Variants in AJAP1 observed in about 807,000 individuals in gnomAD.
The protein encoded by AJAP1 is adherens junctions associated protein 1, also known as adherens junction-associated protein 1.
A neutral mutation model predicts 35.0 loss-of-function variants in AJAP1; 5 were observed. The ratio of observed to expected loss-of-function variants is 0.14; its 90% CI spans 0.07 to 0.30. The LOEUF is 0.30. AJAP1 is among the 10% of genes least tolerant of loss of function. The pLI is 1.00. For missense variants in AJAP1, 586 were observed against 571.0 expected, an observed-to-expected ratio of 1.03 and a Z score of -0.27; for synonymous variants, 284 against 249.3, an observed-to-expected ratio of 1.14 and a Z score of -1.31.
intron 2 of AJAP1, among the ~76,000 whole-genome samples, chr1:4,726,216 G>A (rs770061518): frequency 1.3e-5 from 2 of 152,170 alleles, no homozygotes; most frequent in Non-Finnish European, 2.9e-5. Flanking sequence ...CCTAGAGAGA[G>A]CTGGGCACAG....
At chr1:4,679,851 G>A (rs201121928) in intron 1 of AJAP1, among the ~76,000 whole-genome samples, 136 of 137,796 alleles carry the variant, frequency 9.9e-4, no homozygotes, top group South Asian at 4.4e-3. Flanking sequence ...GTGTGTGTGT[G>A]TAGAGAGAGA....
At position 4,792,295 on chromosome 1, in the gene AJAP1, A is replaced by T. The variant is rs1397101023; in HGVS notation, c.*9810A>T. 7.2e-6 allele frequency: 1 copy of T among 139,104 alleles called. No homozygotes were observed. The allele number at this position is 139,104 out of a possible 1,614,324, so 8.6% of individuals were successfully genotyped here. On this transcript the variant is annotated 3_prime_UTR_variant, in exon 6 of 6. Coordinates refer to ENST00000378191, the MANE Select transcript of AJAP1 (RefSeq NM_018836.4). ...TTCTTTTCTTTAAATGCATATCATA[A>T]TCATGTTAATAAACAAAAATGACAC...
chr1:4,790,158 A>G lies in AJAP1; in HGVS notation c.*7673A>G, dbSNP rs1045551996. 2 of 152,240 alleles carry G rather than the reference A, an allele frequency of 1.3e-5. No homozygotes were observed. The highest frequency in any genetic ancestry group is 2.4e-5 in the African/African-American group (1 of 41,458). The allele number at this position is 152,240 out of a possible 1,614,324, so 9.4% of individuals were successfully genotyped here. On this transcript the variant is annotated 3_prime_UTR_variant, in exon 6 of 6. Transcript: ENST00000378191. Reference sequence around the variant, plus strand: ...CATGTATGGGCATAGGAGCAAGCTGATGGCATGGCTCTTGACAAGGTTTTC... The same window carrying G: ...CATGTATGGGCATAGGAGCAAGCTGGTGGCATGGCTCTTGACAAGGTTTTC...
chr1:4,774,349 C>A, intron 4 of AJAP1, 78 bp from the exon 5 acceptor site: 1 of 1,375,966 alleles, frequency 7.3e-7, no homozygotes, highest in Non-Finnish European at 1.0e-6. Context: ...GTCCCCACCA[C>A]AGGCCTGCCC....
rs1320908485 is a variant in AJAP1, at chr1:4,693,302, G to A, written c.30-18598G>A. ...CGTGGTCAGGGGACGTCAGGGGCAT[G>A]TGCTGATGGAGAGGGACTCTCGGCT... is the stretch of plus-strand genomic sequence containing the variant. On this transcript the variant is annotated intron_variant, in intron 1 of 5. Transcript: ENST00000378191. The surrounding 1 kb of genome is among the most constrained non-coding windows in gnomAD (Gnocchi z 4.4). Among the ~76,000 whole-genome samples the A allele has an allele frequency of 6.6e-6, 1 of 151,888 alleles. No individual in the cohort carries two copies. Among genetic ancestry groups the A allele is most frequent in the South Asian group, 2.1e-4 (1 of 4,824 alleles).
intron 1 of AJAP1, among the ~76,000 whole-genome samples, chr1:4,667,660 C>T (rs950095314): frequency 1.3e-5 from 2 of 152,190 alleles, no homozygotes; most frequent in Admixed American, 6.5e-5. Context: ...ACCCACTGCT[C>T]ACCTCCTGCT....
At chr1:4,661,837 A>G (rs143921604) in intron 1 of AJAP1, among the ~76,000 whole-genome samples, 2 of 152,348 alleles carry the variant, frequency 1.3e-5, no homozygotes, top group African/African-American at 4.8e-5. Flanking sequence ...AGAATTAATG[A>G]AACGTCATGG....
At position 4,655,304 on chromosome 1, in the gene AJAP1, G is replaced by T; in HGVS notation, c.-122G>T. 1 of 752,364 alleles carries T rather than the reference G, an allele frequency of 1.3e-6. No individual in the cohort carries two copies. Among genetic ancestry groups the T allele is most frequent in the Non-Finnish European group, 1.7e-6 (1 of 583,684 alleles). 46.6% of individuals were successfully genotyped at this position (752,364 alleles called of 1,614,324 possible). ...GCTGTGCGCCCCGCGGCCGGCGGGC[G>T]GCGGGAGGCGGCGGACCGAGAGCCG... On this transcript the variant is annotated 5_prime_UTR_variant, in exon 1 of 6. Coordinates refer to ENST00000378191, the MANE Select transcript of AJAP1 (RefSeq NM_018836.4). This position sits in a 1 kb window ranked among gnomAD's most constrained non-coding sequence, Gnocchi z 6.9.
intron 1 of AJAP1, among the ~76,000 whole-genome samples, chr1:4,702,549 A>C (rs1640011887): frequency 6.6e-6 from 1 of 152,214 alleles, no homozygotes; most frequent in Non-Finnish European, 1.5e-5. Flanking sequence ...GGTCCCAGGC[A>C]TTATCAGCTT....
At chr1:4,662,211 C>T (rs1360026234) in intron 1 of AJAP1, among the ~76,000 whole-genome samples, 5 of 152,152 alleles carry the variant, frequency 3.3e-5, no homozygotes, top group African/African-American at 1.2e-4. Flanking sequence ...GTTGCTTCAC[C>T]CCTGATAAGA....
At chr1:4,764,963 A>C (rs1641648093) in intron 2 of AJAP1, among the ~76,000 whole-genome samples, 1 of 152,320 alleles carries the variant, frequency 6.6e-6, no homozygotes, top group East Asian at 1.9e-4. Flanking sequence ...AACCACCACA[A>C]ATATAACCAT....
intron 1 of AJAP1, among the ~76,000 whole-genome samples, chr1:4,667,658 C>G (rs1351865912): frequency 6.6e-6 from 1 of 152,204 alleles, no homozygotes; most frequent in Non-Finnish European, 1.5e-5. Context: ...TCACCCACTG[C>G]TCACCTCCTG....
At chr1:4,744,600 C>CATGCACACATGCCCACATGCAT (rs1334748498) in intron 2 of AJAP1, among the ~76,000 whole-genome samples, 241 of 148,888 alleles carry the variant, frequency 1.6e-3, no homozygotes, top group Non-Finnish European at 2.2e-3. Flanking sequence ...CACACATGCA[C>CATGCACACATGCCCACATGCAT]ATGCACACAT....
chr1:4,740,857 T>C (rs537973027), intron 2 of AJAP1, among the ~76,000 whole-genome samples: 1 of 151,636 alleles, frequency 6.6e-6, no homozygotes, highest in African/African-American at 2.4e-5. Flanking sequence ...TTATCACAAT[T>C]TAAAAATTTT....
rs190578577 is a variant in AJAP1, at chr1:4,772,385, C to T, written c.1023C>T (p.Pro341=). The change falls in exon 4 of 6, where the codon CCC becomes CCT. Residue 341 remains proline (P), a synonymous_variant. Coordinates refer to ENST00000378191, the MANE Select transcript of AJAP1 (RefSeq NM_018836.4). ...NLTDFPSARV[P]SSLDIFTAYN... is the part of the protein sequence containing the mutation. ...CGGACTTCCCCTCGGCCCGGGTGCC[C>T]AGCAGCCTGGACATATTCACGGCCT... 189 of 1,614,240 alleles carry T rather than the reference C, an allele frequency of 1.2e-4. No homozygotes were observed. The highest frequency in any genetic ancestry group is 1.6e-4 in the Non-Finnish European group (184 of 1,180,050).
At chr1:4,769,831 T>C in intron 2 of AJAP1, 22 bp from the exon 3 acceptor site, 2 of 1,607,696 alleles carry the variant, frequency 1.2e-6, no homozygotes, top group Non-Finnish European at 1.7e-6. Context: ...GGGTGCCCTC[T>C]TCCCTCTTTC....
intron 2 of AJAP1, among the ~76,000 whole-genome samples, chr1:4,742,310 G>A (rs1227172896): frequency 6.6e-6 from 1 of 152,174 alleles, no homozygotes; most frequent in East Asian, 1.9e-4. Context: ...GTACGGCTTC[G>A]TGATTTTCTT....
intron 1 of AJAP1, among the ~76,000 whole-genome samples, chr1:4,681,115 A>G (rs1029675912): frequency 1.4e-4 from 22 of 152,238 alleles, no homozygotes; most frequent in African/African-American, 4.3e-4. Flanking sequence ...TAGATTAAAC[A>G]GCCAAACCCA....
chr1:4,655,358 C>A lies in AJAP1; in HGVS notation c.-68C>A, dbSNP rs1638853808. ...ACCGGCGCCGCGGGACGGAAGCGAG[C>A]GGGCGCGGGCGCCGCGCAGATGGCC... On this transcript the variant is annotated 5_prime_UTR_variant, in exon 1 of 6. Transcript: ENST00000378191. The surrounding 1 kb of genome is among the most constrained non-coding windows in gnomAD (Gnocchi z 6.9). 11 of 1,434,720 alleles carry A rather than the reference C, an allele frequency of 7.7e-6. No individual in the cohort carries two copies. Among genetic ancestry groups the A allele is most frequent in the African/African-American group, 1.5e-5 (1 of 67,192 alleles). 88.9% of individuals were successfully genotyped at this position (1,434,720 alleles called of 1,614,324 possible).
Sources: gnomAD v4.1 joint callset for allele counts (sites outside exome capture counted in the v4.1 genomes callset) on GRCh38, gnomAD v4.1.1 for gene constraint, Gnocchi (gnomAD v3.1) non-coding constraint, MANE v1.5 for transcripts, NCBI Gene and HGNC (gene_info 2026-07-23, HGNC 2026-07-21) for gene names.